TIAM1: variants seen among roughly 807,000 people sequenced by gnomAD.
TIAM1 encodes the protein rho guanine nucleotide exchange factor TIAM1.
In TIAM1, 65 loss-of-function variants were observed where a neutral mutation model predicts 163.5. That is an observed-to-expected ratio of 0.40 (90% CI 0.33 to 0.49). TIAM1 has a LOEUF of 0.49. TIAM1 is among the 20% of genes least tolerant of loss of function. TIAM1 has a pLI of 0.77. For missense variants in TIAM1, 1,789 were observed against 2,044.7 expected, an observed-to-expected ratio of 0.87 and a Z score of 2.41; for synonymous variants, 833 against 810.1, an observed-to-expected ratio of 1.03 and a Z score of -0.48.
intron 2 of TIAM1, among the ~76,000 whole-genome samples, chr21:31,383,439 C>A (rs945141802): frequency 6.6e-6 from 1 of 152,142 alleles, no homozygotes; most frequent in Admixed American, 6.5e-5. Context: ...ATCCCACTCC[C>A]CAGGAACTCA....
At chr21:31,398,130 C>A (rs1013445689) in intron 2 of TIAM1, among the ~76,000 whole-genome samples, 3 of 133,396 alleles carry the variant, frequency 2.2e-5, no homozygotes, top group Non-Finnish European at 4.6e-5. Context: ...AGTGCCTAAT[C>A]TCTGCAAGCA....
chr21:31,250,780 A>G (rs948140870), intron 5 of TIAM1, among the ~76,000 whole-genome samples: 3 of 152,142 alleles, frequency 2.0e-5, no homozygotes, highest in African/African-American at 7.2e-5. Flanking sequence ...AATATATTAC[A>G]TTTTCTAGGC....
chr21:31,381,207 G>A (rs1050114072), intron 2 of TIAM1, among the ~76,000 whole-genome samples: 4 of 152,102 alleles, frequency 2.6e-5, no homozygotes, highest in African/African-American at 9.7e-5. Flanking sequence ...CGCAAAATCC[G>A]TATGTTGAAA....
chr21:31,173,255 CA>C (rs2084600128), intron 15 of TIAM1, among the ~76,000 whole-genome samples: 1 of 151,956 alleles, frequency 6.6e-6, no homozygotes, highest in East Asian at 1.9e-4. Context: ...ACAATTACAA[CA>C]CGAAACTTTT....
At chr21:31,169,015 G>A (rs943284364) in intron 15 of TIAM1, among the ~76,000 whole-genome samples, 3 of 152,182 alleles carry the variant, frequency 2.0e-5, no homozygotes, top group African/African-American at 7.2e-5. Context: ...AAAGGGGGCT[G>A]AACACGGTGG....
chr21:31,175,930 T>C (rs1464601603), intron 15 of TIAM1, among the ~76,000 whole-genome samples: 1 of 152,176 alleles, frequency 6.6e-6, no homozygotes, highest in East Asian at 1.9e-4. Flanking sequence ...CTGTTTTACA[T>C]CTAGATTTGC....
intron 12 of TIAM1, among the ~76,000 whole-genome samples, chr21:31,195,969 T>C (rs917254660): frequency 5.3e-5 from 8 of 152,122 alleles, no homozygotes; most frequent in African/African-American, 1.9e-4. Flanking sequence ...AAAAAGAAAC[T>C]GTCAATAAAC....
At chr21:31,350,377 G>T (rs567733131) in intron 2 of TIAM1, among the ~76,000 whole-genome samples, 1 of 152,232 alleles carries the variant, frequency 6.6e-6, no homozygotes, top group South Asian at 2.1e-4. Flanking sequence ...ACTGGGGCAG[G>T]GAGTGGAGAA....
intron 6 of TIAM1, among the ~76,000 whole-genome samples, chr21:31,227,783 G>C (rs1360817792): frequency 1.3e-5 from 2 of 152,150 alleles, no homozygotes; most frequent in Non-Finnish European, 2.9e-5. Context: ...ACCAGAAAAA[G>C]AGAGGCTCTC....
intron 2 of TIAM1, among the ~76,000 whole-genome samples, chr21:31,287,824 T>C (rs1028519444): frequency 5.3e-5 from 8 of 152,152 alleles, no homozygotes; most frequent in African/African-American, 7.2e-5. Flanking sequence ...TGAGATTTTA[T>C]TATGGGAGTT....
intron 2 of TIAM1, among the ~76,000 whole-genome samples, chr21:31,305,416 T>TAAAAA (rs1242158906): frequency 5.9e-5 from 7 of 117,922 alleles, no homozygotes; most frequent in African/African-American, 2.4e-4. Context: ...AACTCTGAAA[T>TAAAAA]AAAAATAAAA....
intron 5 of TIAM1, among the ~76,000 whole-genome samples, chr21:31,248,020 GC>G (rs745663813): frequency 1.3e-5 from 2 of 152,096 alleles, no homozygotes; most frequent in African/African-American, 4.8e-5. Flanking sequence ...GGTGCTATTG[GC>G]ATCTAGAGGA....
At chr21:31,150,886 T>C (rs2083340671) in intron 19 of TIAM1, among the ~76,000 whole-genome samples, 2 of 152,198 alleles carry the variant, frequency 1.3e-5, no homozygotes, top group South Asian at 4.1e-4. Context: ...AACTCAATAT[T>C]AGTAAACAAA....
chr21:31,271,275 A>T (rs2073045432), intron 3 of TIAM1, among the ~76,000 whole-genome samples: 1 of 152,178 alleles, frequency 6.6e-6, no homozygotes, highest in Admixed American at 6.5e-5. Flanking sequence ...TGAATGACAA[A>T]GACACTTTAA....
chr21:31,141,253 T>C lies in TIAM1; in HGVS notation c.3656-17A>G, dbSNP rs2146273142. ...TGATGGCCACTGGAAGAAAACAGGT[T>C]GTGAAATGAGAGGCTATTTAGAGAC... On this transcript the variant is annotated splice_polypyrimidine_tract_variant and intron_variant, in intron 21 of 27. Transcript: ENST00000541036. This position sits in a 1 kb window ranked among gnomAD's most constrained non-coding sequence, Gnocchi z 4.7. 6.2e-7 allele frequency: 1 copy of C among 1,613,910 alleles called. No individual in the cohort carries two copies. The highest frequency in any genetic ancestry group is 8.5e-7 in the Non-Finnish European group (1 of 1,179,938).
At chr21:31,284,453 G>A (rs904234947) in intron 2 of TIAM1, among the ~76,000 whole-genome samples, 2 of 152,152 alleles carry the variant, frequency 1.3e-5, no homozygotes, top group African/African-American at 2.4e-5. Context: ...ACACAGCAGG[G>A]GGGGTGGAGG....
At chr21:31,557,813 G>A (rs1437166418) in intron 1 of TIAM1, among the ~76,000 whole-genome samples, 2 of 152,162 alleles carry the variant, frequency 1.3e-5, no homozygotes, top group Non-Finnish European at 2.9e-5. Flanking sequence ...TGACCCGGGG[G>A]CAAGACCAGG....
chr21:31,484,422 G>A (rs1174691879), intron 1 of TIAM1, among the ~76,000 whole-genome samples: 2 of 152,188 alleles, frequency 1.3e-5, no homozygotes, highest in Non-Finnish European at 2.9e-5. Context: ...TTGGCACAAT[G>A]GAGCTAGCAC....
intron 1 of TIAM1, among the ~76,000 whole-genome samples, chr21:31,532,422 T>A (rs1380978332): frequency 1.3e-5 from 2 of 152,188 alleles, no homozygotes; most frequent in African/African-American, 4.8e-5. Context: ...CTTCATTAAT[T>A]TTTCCTAAAC....
Sources: allele counts gnomAD v4.1 joint callset (sites outside exome capture counted in the v4.1 genomes callset), GRCh38; gene constraint gnomAD v4.1.1; non-coding constraint Gnocchi (gnomAD v3.1); transcripts MANE v1.5; gene names NCBI Gene and HGNC (gene_info 2026-07-23, HGNC 2026-07-21).